Variants in PDS5B observed in about 807,000 individuals in gnomAD.
The protein encoded by PDS5B is PDS5 cohesin associated factor B.
PDS5B carries 51 observed loss-of-function variants against 184.1 expected under a neutral mutation model. The observed-to-expected ratio is 0.28, with a 90% CI of 0.22 to 0.35. The LOEUF is 0.35. Among genes scored for constraint, PDS5B ranks in the 10% least tolerant of loss-of-function variants. The pLI is 1.00. For synonymous variants in PDS5B, 566 were observed against 569.2 expected, an observed-to-expected ratio of 0.99 and a Z score of 0.08; for missense variants, 1,180 against 1,723.3, an observed-to-expected ratio of 0.68 and a Z score of 5.58.
intron 1 of PDS5B, among the ~76,000 whole-genome samples, chr13:32,626,172 A>G (rs1034018349): frequency 2.0e-5 from 3 of 152,152 alleles, no homozygotes; most frequent in Non-Finnish European, 4.4e-5. Flanking sequence ...TGCTTTGTAA[A>G]GCTGAGCTGC....
At position 32,741,072 on chromosome 13, in the gene PDS5B, AT is replaced by A. The variant is rs1953531089; in HGVS notation, c.2407-3del. ...CCTGGTTTTTTTTTTTTTCTCGTTT[AT>A]TTTTAGCTTCCAGGGAAAAAGACAA... is the stretch of plus-strand genomic sequence containing the variant. On this transcript the variant is annotated splice_region_variant and splice_polypyrimidine_tract_variant and intron_variant, in intron 21 of 34. Transcript: ENST00000315596. The A allele has an allele frequency of 2.6e-6, 3 of 1,166,708 alleles. No individual in the cohort carries two copies. The highest frequency in any genetic ancestry group is 1.8e-5 in the African/African-American group (1 of 55,754). The allele number at this position is 1,166,708 out of a possible 1,614,324, so 72.3% of individuals were successfully genotyped here. A position where few individuals can be genotyped will look rare whatever the true frequency, so the allele number is the denominator to read the frequency against.
At chr13:32,643,353 A>C (rs1202129268) in intron 1 of PDS5B, among the ~76,000 whole-genome samples, 1 of 152,156 alleles carries the variant, frequency 6.6e-6, no homozygotes, top group African/African-American at 2.4e-5. Context: ...AAAAGCTTTT[A>C]ACACTTTGCC....
intron 1 of PDS5B, among the ~76,000 whole-genome samples, chr13:32,599,024 C>T (rs762943632): frequency 2.0e-5 from 3 of 152,174 alleles, no homozygotes; most frequent in African/African-American, 7.2e-5. Flanking sequence ...TCTGCCTCGG[C>T]TTCCCAAAGT....
At chr13:32,692,759 T>C (rs1246936731) in intron 13 of PDS5B, among the ~76,000 whole-genome samples, 1 of 152,032 alleles carries the variant, frequency 6.6e-6, no homozygotes, top group Non-Finnish European at 1.5e-5. Context: ...ATAACTTTTT[T>C]CCCTTTTTTA....
At chr13:32,650,836 A>G (rs1211616508) in intron 2 of PDS5B, among the ~76,000 whole-genome samples, 8 of 152,208 alleles carry the variant, frequency 5.3e-5, no homozygotes, top group Non-Finnish European at 1.0e-4. Context: ...GTCTAGCTGG[A>G]TGGCAAGTGG....
At chr13:32,680,012 TGA>T (rs1470115575) in intron 10 of PDS5B, among the ~76,000 whole-genome samples, 1 of 152,186 alleles carries the variant, frequency 6.6e-6, no homozygotes, top group African/African-American at 2.4e-5. Flanking sequence ...GTATTTTCTC[TGA>T]GAGTGTCAAT....
intron 1 of PDS5B, among the ~76,000 whole-genome samples, chr13:32,634,715 C>T (rs1416437483): frequency 4.6e-5 from 7 of 151,928 alleles, no homozygotes; most frequent in East Asian, 1.9e-4. Context: ...TCCCGAGTAG[C>T]GGGGATTACA....
At chr13:32,596,932 C>T (rs761394428) in intron 1 of PDS5B, among the ~76,000 whole-genome samples, 1 of 152,024 alleles carries the variant, frequency 6.6e-6, no homozygotes, top group Non-Finnish European at 1.5e-5. Flanking sequence ...TGTTTTGTAG[C>T]TTGCCTTATC....
At chr13:32,589,401 G>GGA (rs2140454696) in intron 1 of PDS5B, among the ~76,000 whole-genome samples, 1 of 152,142 alleles carries the variant, frequency 6.6e-6, no homozygotes, top group Non-Finnish European at 1.5e-5. Context: ...GTGGTTAGCC[G>GGA]TCTGTTTCAG....
chr13:32,729,822 T>C (rs1953042410), intron 19 of PDS5B, among the ~76,000 whole-genome samples: 1 of 152,226 alleles, frequency 6.6e-6, no homozygotes, highest in African/African-American at 2.4e-5. Context: ...TTAAGTTTCT[T>C]GTAGATTCTG....
At chr13:32,749,804 A>G (rs1953908388) in intron 24 of PDS5B, among the ~76,000 whole-genome samples, 1 of 152,034 alleles carries the variant, frequency 6.6e-6, no homozygotes, top group Non-Finnish European at 1.5e-5. Context: ...TCAGTAGTGA[A>G]TAAAAGCTTT....
At position 32,669,318 on chromosome 13, in the gene PDS5B, T is replaced by G. The variant is rs1199832286; in HGVS notation, c.705+1474T>G. Reference sequence around the variant, plus strand: ...TTTTTTGGAGGGGAGGGGGGACACATCTTATTTTGATTTCTTTTTCTGGCA... The same window carrying G: ...TTTTTTGGAGGGGAGGGGGGACACAGCTTATTTTGATTTCTTTTTCTGGCA... On this transcript the variant is annotated intron_variant, in intron 7 of 34. Transcript: ENST00000315596. Among the ~76,000 whole-genome samples the G allele has an allele frequency of 2.6e-5, 4 of 151,404 alleles. No homozygotes were observed. In the East Asian group the frequency reaches 7.8e-4, roughly 29 times the overall value.
chr13:32,673,656 GT>G (rs1158126010), intron 8 of PDS5B, among the ~76,000 whole-genome samples: 1 of 152,102 alleles, frequency 6.6e-6, no homozygotes, highest in Non-Finnish European at 1.5e-5. Flanking sequence ...TCAAGCTTAT[GT>G]TTTCAAGGCA....
intron 1 of PDS5B, among the ~76,000 whole-genome samples, chr13:32,646,522 A>G (rs994949631): frequency 2.0e-5 from 3 of 150,492 alleles, no homozygotes; most frequent in Non-Finnish European, 3.0e-5. Context: ...TGGACAAACT[A>G]TACGTTTCTA....
chr13:32,612,255 A>C (rs1482967691), intron 1 of PDS5B, among the ~76,000 whole-genome samples: 1 of 151,932 alleles, frequency 6.6e-6, no homozygotes, highest in African/African-American at 2.4e-5. Flanking sequence ...TTTAGTAGAG[A>C]CGGGATTTCA....
At chr13:32,723,706 T>C in intron 19 of PDS5B, among the ~76,000 whole-genome samples, 1 of 152,210 alleles carries the variant, frequency 6.6e-6, no homozygotes, top group Non-Finnish European at 1.5e-5. Context: ...GGGGAAAGAT[T>C]ATAGGTGTTT....
chr13:32,716,856 C>T (rs1315651482), intron 19 of PDS5B, among the ~76,000 whole-genome samples: 1 of 129,028 alleles, frequency 7.8e-6, no homozygotes, highest in Non-Finnish European at 1.8e-5. Flanking sequence ...GGGTCAGCCC[C>T]CCGCCCGGCC....
intron 1 of PDS5B, among the ~76,000 whole-genome samples, chr13:32,615,993 T>G (rs1196701147): frequency 6.6e-6 from 1 of 152,146 alleles, no homozygotes; most frequent in Admixed American, 6.5e-5. Flanking sequence ...CATAGCTATA[T>G]GTTGGGTTTT....
rs139252635 is a variant in PDS5B at position 32,697,776 on chromosome 13, T to C, written c.1600+874T>C. Among the ~76,000 whole-genome samples, 33 of 152,314 alleles carry C rather than the reference T, an allele frequency of 2.2e-4. No individual in the cohort carries two copies. The East Asian group carries it at 6.2e-3, about 28-fold the overall frequency. ...CCAGGGCTGGAGTGCAGTGGCACAATCATAACTCAAAGCTATCTTGACCTC... is the reference window on the plus strand; with the variant it reads ...CCAGGGCTGGAGTGCAGTGGCACAACCATAACTCAAAGCTATCTTGACCTC... On this transcript the variant is annotated intron_variant, in intron 15 of 34. Coordinates refer to ENST00000315596, the MANE Select transcript of PDS5B (RefSeq NM_015032.4).
Sources: gnomAD v4.1 joint callset for allele counts (sites outside exome capture counted in the v4.1 genomes callset) on GRCh38, gnomAD v4.1.1 for gene constraint, MANE v1.5 for transcripts, NCBI Gene and HGNC (gene_info 2026-07-23, HGNC 2026-07-21) for gene names.